ATXN1: variants seen among roughly 807,000 people sequenced by gnomAD.
ATXN1 encodes ataxin 1, also known as ataxin-1.
ATXN1 carries 8 observed loss-of-function variants against 56.4 expected under a neutral mutation model. The ratio of observed to expected loss-of-function variants is 0.14; its 90% CI spans 0.08 to 0.26. The LOEUF is 0.26. Among genes scored for constraint, ATXN1 ranks in the 10% least tolerant of loss-of-function variants. The pLI, the probability that ATXN1 is intolerant of heterozygous loss-of-function variation, is 1.00. For missense variants in ATXN1, 987 were observed against 1,106.5 expected, an observed-to-expected ratio of 0.89 and a Z score of 1.53; for synonymous variants, 514 against 494.6, an observed-to-expected ratio of 1.04 and a Z score of -0.52.
chr6:16,345,134 G>T (rs1230159620), intron 6 of ATXN1, among the ~76,000 whole-genome samples: 5 of 152,182 alleles, frequency 3.3e-5, no homozygotes, highest in African/African-American at 1.2e-4. Flanking sequence ...GATTTTGGAT[G>T]TGATGATAAA....
rs555123382 is a variant in ATXN1, at chr6:16,518,032, G to A, written c.-299+4595C>T. Among the ~76,000 whole-genome samples, 478 of 152,322 alleles carry A rather than the reference G, an allele frequency of 3.1e-3. 3 individuals carry two copies. Among genetic ancestry groups the A allele is most frequent in the African/African-American group, 0.011 (451 of 41,568 alleles). On this transcript the variant is annotated intron_variant, in intron 5 of 7. Transcript: ENST00000436367. ...TGGGATACATGCAGTCCATGAGACCGACAAGGCTTTTGCTTCCACTGAGCT... is the reference window on the plus strand; with the variant it reads ...TGGGATACATGCAGTCCATGAGACCAACAAGGCTTTTGCTTCCACTGAGCT...
At chr6:16,436,732 G>A (rs1486546552) in intron 6 of ATXN1, among the ~76,000 whole-genome samples, 1 of 151,834 alleles carries the variant, frequency 6.6e-6, no homozygotes, top group Non-Finnish European at 1.5e-5. Flanking sequence ...GAGGGTGGGG[G>A]TGACAAGTTC....
intron 6 of ATXN1, among the ~76,000 whole-genome samples, chr6:16,365,960 T>G (rs1236654188): frequency 6.6e-6 from 1 of 152,186 alleles, no homozygotes; most frequent in Non-Finnish European, 1.5e-5. Flanking sequence ...AATCCCCATA[T>G]CTACTATTGT....
intron 6 of ATXN1, among the ~76,000 whole-genome samples, chr6:16,343,118 G>A (rs922537347): frequency 8.5e-5 from 13 of 152,328 alleles, no homozygotes; most frequent in African/African-American, 2.9e-4. Context: ...GCTGAGGCGC[G>A]CAGATCACAA....
At chr6:16,726,562 T>C (rs1196945907) in intron 2 of ATXN1, among the ~76,000 whole-genome samples, 1 of 152,004 alleles carries the variant, frequency 6.6e-6, no homozygotes, top group African/African-American at 2.4e-5. Flanking sequence ...CCCAATTATG[T>C]ATGACATAGA....
At chr6:16,566,959 T>C (rs1309938495) in intron 4 of ATXN1, among the ~76,000 whole-genome samples, 2 of 152,206 alleles carry the variant, frequency 1.3e-5, no homozygotes, top group Non-Finnish European at 2.9e-5. Context: ...AAGTTGTCTT[T>C]CATATGCTTT....
chr6:16,579,487 C>T (rs966814473), intron 4 of ATXN1, among the ~76,000 whole-genome samples: 496 of 36,300 alleles, frequency 0.014, 69 homozygotes, highest in African/African-American at 0.046. Flanking sequence ...AAAGCCCCCC[C>T]CCCCCACCCG....
chr6:16,343,499 A>T (rs1055614280), intron 6 of ATXN1, among the ~76,000 whole-genome samples: 5 of 152,104 alleles, frequency 3.3e-5, no homozygotes, highest in African/African-American at 1.2e-4. Context: ...CCAGGACTGG[A>T]CGTCAGGGCA....
intron 5 of ATXN1, among the ~76,000 whole-genome samples, chr6:16,491,937 C>A (rs937694916): frequency 1.3e-5 from 2 of 152,020 alleles, no homozygotes; most frequent in African/African-American, 4.8e-5. Flanking sequence ...CTGAGAGTGG[C>A]CCCCAGCTCA....
chr6:16,507,857 T>C (rs762120039), intron 5 of ATXN1, among the ~76,000 whole-genome samples: 4 of 152,198 alleles, frequency 2.6e-5, no homozygotes, highest in African/African-American at 4.8e-5. Flanking sequence ...AAGCACTGGA[T>C]GTCACTATAA....
chr6:16,639,582 G>A (rs1561789806), intron 3 of ATXN1, among the ~76,000 whole-genome samples: 1 of 152,182 alleles, frequency 6.6e-6, no homozygotes, highest in Non-Finnish European at 1.5e-5. Flanking sequence ...CCAAGGTGCT[G>A]GGATTACAGG....
intron 6 of ATXN1, among the ~76,000 whole-genome samples, chr6:16,460,090 G>A (rs1371637271): frequency 1.3e-5 from 2 of 152,038 alleles, no homozygotes; most frequent in East Asian, 3.9e-4. Flanking sequence ...TGGATCCCCG[G>A]ATACAGCGAG....
intron 5 of ATXN1, among the ~76,000 whole-genome samples, chr6:16,520,434 A>G (rs983299739): frequency 6.6e-5 from 10 of 152,194 alleles, no homozygotes; most frequent in African/African-American, 2.2e-4. Flanking sequence ...CCCCAGAAGG[A>G]AACCAAAGTA....
intron 2 of ATXN1, among the ~76,000 whole-genome samples, chr6:16,682,083 A>G (rs1000930115): frequency 2.0e-5 from 3 of 151,986 alleles, no homozygotes; most frequent in African/African-American, 7.3e-5. Context: ...ATCTGAACAC[A>G]CTCAATGTTG....
chr6:16,336,301 A>G lies in ATXN1; in HGVS notation c.-160-7831T>C, dbSNP rs887561805. Among the ~76,000 whole-genome samples, 7 of 152,156 alleles carry G rather than the reference A, an allele frequency of 4.6e-5. No homozygotes were observed. In the East Asian group the frequency reaches 1.2e-3, roughly 25 times the overall value. ...TGGCAGCCTCATAGCAAATATGCCT[A>G]TTTATTTTTCATGTAGAAAAGGGAC... On this transcript the variant is annotated intron_variant, in intron 6 of 7. Coordinates refer to ENST00000436367, the MANE Select transcript of ATXN1 (RefSeq NM_001128164.2).
chr6:16,327,064 A>C lies in ATXN1; in HGVS notation c.1247T>G (p.Leu416Arg), dbSNP rs773448971. Residue 416 changes from leucine to arginine, a missense_variant, in exon 7 of 8, where the codon CTG becomes CGG. Coordinates refer to ENST00000436367, the MANE Select transcript of ATXN1 (RefSeq NM_001128164.2). ...SPSTLNDKSGLHLGKPGHRSY... is the reference protein window; with the variant it reads ...SPSTLNDKSGRHLGKPGHRSY... ...CCGGTGGCCAGGCTTCCCTAAATGCAGGCCACTTTTGTCGTTGAGGGTAGA... is the reference window on the plus strand; with the variant it reads ...CCGGTGGCCAGGCTTCCCTAAATGCCGGCCACTTTTGTCGTTGAGGGTAGA... 1.2e-6 allele frequency: 2 copies of C among 1,614,044 alleles called. No individual in the cohort carries two copies. Among genetic ancestry groups the C allele is most frequent in the Admixed American group, 1.7e-5 (1 of 60,022 alleles).
chr6:16,514,968 C>T (rs541320020), intron 5 of ATXN1, among the ~76,000 whole-genome samples: 3 of 151,318 alleles, frequency 2.0e-5, no homozygotes, highest in South Asian at 2.1e-4. Context: ...GGCGACAGAG[C>T]GAGGCTCTGT....
intron 3 of ATXN1, among the ~76,000 whole-genome samples, chr6:16,608,945 C>T (rs1366115680): frequency 2.0e-5 from 3 of 152,080 alleles, no homozygotes; most frequent in African/African-American, 7.3e-5. Flanking sequence ...CTTTAGAGCA[C>T]GTCATCAATC....
chr6:16,653,210 C>T (rs1451138111), intron 3 of ATXN1, among the ~76,000 whole-genome samples: 2 of 152,164 alleles, frequency 1.3e-5, no homozygotes, highest in Non-Finnish European at 2.9e-5. Flanking sequence ...GAAGCAGCAA[C>T]GCCCTGCAAA....
Sources: allele counts gnomAD v4.1 joint callset (sites outside exome capture counted in the v4.1 genomes callset), GRCh38; gene constraint gnomAD v4.1.1; transcripts MANE v1.5; gene names NCBI Gene and HGNC (gene_info 2026-07-23, HGNC 2026-07-21).